The following MBD3L1 variants were observed in gnomAD, a reference collection of about 807,000 sequenced individuals.
MBD3L1 encodes the protein methyl-CpG-binding domain protein 3-like 1.
For missense variants in MBD3L1, 203 were observed against 230.1 expected (o/e 0.88, Z 0.76); for synonymous variants, 84 against 85.1 (o/e 0.99, Z 0.07).
intron 1 of MBD3L1, among the ~76,000 whole-genome samples, chr19:8,838,402 T>C (rs2044477710): frequency 6.6e-6 from 1 of 151,342 alleles, no homozygotes; most frequent in Non-Finnish European, 1.5e-5. Context: ...ACAAACTGCA[T>C]ATTGCCTAAC....
chr19:8,842,526 C>T (rs1209595495), intron 2 of MBD3L1, 132 bp from the exon 3 acceptor site: 1 of 632,858 alleles, frequency 1.6e-6, no homozygotes. Context: ...CTGATGATGT[C>T]CCAGGAAGCA....
chr19:8,833,630 T>A (rs1021271670), intron 1 of MBD3L1: 2 of 152,196 alleles, frequency 1.3e-5, no homozygotes, highest in African/African-American at 2.4e-5. Flanking sequence ...TAGTTGTGAG[T>A]TGGGCAGGAG....
chr19:8,842,726 C>T lies in MBD3L1; in HGVS notation c.48C>T (p.Cys16=). Residue 16 remains cysteine (C), a synonymous_variant, in exon 3 of 3, where the codon TGC becomes TGT. Transcript: ENST00000595891. ...QRKQRDCVNQ[C]KSKPGLSTSI... is the part of the protein sequence containing the mutation. ...AGCAACGTGACTGTGTAAACCAATG[C>T]AAATCAAAGCCTGGCTTGAGCACCT... is the stretch of plus-strand genomic sequence containing the variant. 1 of 1,614,206 alleles carries T rather than the reference C, an allele frequency of 6.2e-7. No individual in the cohort carries two copies. Among genetic ancestry groups the T allele is most frequent in the Non-Finnish European group, 8.5e-7 (1 of 1,180,040 alleles).
intron 1 of MBD3L1, among the ~76,000 whole-genome samples, chr19:8,839,639 G>A (rs538279525): frequency 6.6e-6 from 1 of 152,232 alleles, no homozygotes; most frequent in Admixed American, 6.5e-5. Context: ...ACAACAAAGG[G>A]GTCATTGTGG....
chr19:8,838,273 A>AAAAAAAAAAAG (rs2044475800), intron 1 of MBD3L1, among the ~76,000 whole-genome samples: 1 of 145,356 alleles, frequency 6.9e-6, no homozygotes, highest in Non-Finnish European at 1.5e-5. Flanking sequence ...AAAAAAAAAA[A>AAAAAAAAAAAG]AAAAAAAAAA....
chr19:8,838,514 A>C (rs757651846), intron 1 of MBD3L1, among the ~76,000 whole-genome samples: 1 of 152,126 alleles, frequency 6.6e-6, no homozygotes, highest in Non-Finnish European at 1.5e-5. Flanking sequence ...GTCTGGTGAT[A>C]ACTCCTAGAT....
chr19:8,840,455 C>T (rs1209608594), intron 1 of MBD3L1, among the ~76,000 whole-genome samples: 2 of 152,134 alleles, frequency 1.3e-5, no homozygotes, highest in African/African-American at 4.8e-5. Flanking sequence ...AGACATGTAT[C>T]ATCACCCCCA....
rs1235056863 is a variant in MBD3L1 at position 8,843,155 on chromosome 19, G to C, written c.477G>C (p.Gly159=). 3.1e-6 allele frequency: 5 copies of C among 1,613,702 alleles called. No homozygotes were observed. Among genetic ancestry groups the C allele is most frequent in the African/African-American group, 1.3e-5 (1 of 74,902 alleles). ...VTEEDIRKQE[G]KVKTVRERLA... is the part of the protein sequence containing the mutation. ...AGGAAGATATCAGGAAACAGGAAGG[G>C]AAAGTGAAGACAGTCAGAGAGAGAC... is the stretch of plus-strand genomic sequence containing the variant. Residue 159 remains glycine, a synonymous_variant, in exon 3 of 3, where the codon GGG becomes GGC. Transcript: ENST00000595891.
intron 1 of MBD3L1, among the ~76,000 whole-genome samples, chr19:8,837,797 T>G (rs2044469873): frequency 6.6e-6 from 1 of 152,178 alleles, no homozygotes; most frequent in African/African-American, 2.4e-5. Context: ...AGATGACGCA[T>G]AAAATAATTG....
intron 1 of MBD3L1, among the ~76,000 whole-genome samples, chr19:8,834,191 G>C (rs1406836279): frequency 6.6e-6 from 1 of 152,186 alleles, no homozygotes; most frequent in Non-Finnish European, 1.5e-5. Context: ...TCCATTTTCA[G>C]GTGGCTGAAG....
At chr19:8,834,939 T>C (rs1022418063) in intron 1 of MBD3L1, among the ~76,000 whole-genome samples, 4 of 152,128 alleles carry the variant, frequency 2.6e-5, no homozygotes, top group Non-Finnish European at 5.9e-5. Flanking sequence ...AAACATGGAC[T>C]GGGTGAAGAC....
intron 1 of MBD3L1, among the ~76,000 whole-genome samples, chr19:8,835,494 A>G (rs1043927203): frequency 1.3e-5 from 2 of 152,236 alleles, no homozygotes; most frequent in Non-Finnish European, 2.9e-5. Flanking sequence ...CTTCACACCC[A>G]TTGGGATAAT....
intron 1 of MBD3L1, among the ~76,000 whole-genome samples, chr19:8,832,845 T>C (rs112537142): frequency 9.5e-4 from 139 of 146,156 alleles, no homozygotes; most frequent in African/African-American, 3.4e-3. Context: ...GCCCTGGAGG[T>C]TGGGGCTGGC....
Position 8,843,272 on chromosome 19 carries a change from G to A in MBD3L1, c.*9G>A, listed in dbSNP as rs762850554. 11 of 1,543,788 alleles carry A rather than the reference G, an allele frequency of 7.1e-6. No homozygotes were observed. The highest frequency in any genetic ancestry group is 4.1e-5 in the African/African-American group (3 of 73,026). On this transcript the variant is annotated 3_prime_UTR_variant, in exon 3 of 3. Transcript: ENST00000595891. ...GTCCTGAAAAACGCTAAGAAAAAAA[G>A]GGAAGATAGTGCAGATGAAATAAAG...
At chr19:8,833,833 C>G (rs1406882876) in intron 1 of MBD3L1, among the ~76,000 whole-genome samples, 1 of 151,962 alleles carries the variant, frequency 6.6e-6, no homozygotes, top group Admixed American at 6.6e-5. Flanking sequence ...ACTAAAAATA[C>G]AAAATTAGCC....
In MBD3L1 at chr19:8,843,049, G is replaced by A. The variant is rs1160021459; in HGVS notation, c.371G>A (p.Cys124Tyr). 1 of 1,614,112 alleles carries A rather than the reference G, an allele frequency of 6.2e-7. No homozygotes were observed. ...TCCTGCCCCATGCCCCACCTTGCCT[G>A]CTCTTCAGATGCGGTGGAGATAATT... ...EHSCPMPHLA[C>Y]SSDAVEIIPA... Residue 124 changes from cysteine (C) to tyrosine (Y), a missense_variant, in exon 3 of 3, where the codon TGC (cysteine) becomes TAC (tyrosine). Coordinates refer to ENST00000595891, the MANE Select transcript of MBD3L1 (RefSeq NM_001393532.1).
rs765166335 is a variant in MBD3L1 at position 8,843,193 on chromosome 19, T to G, written c.515T>G (p.Leu172Arg). The change falls in exon 3 of 3, where the codon CTG (leucine) becomes CGG (arginine). Residue 172 changes from leucine to arginine, a missense_variant. Coordinates refer to ENST00000595891, the MANE Select transcript of MBD3L1 (RefSeq NM_001393532.1). Reference sequence around the variant, plus strand: ...GTCAGAGAGAGACTCGCAATAGCACTGATTGCGGATGGACTCGCTAATGAG... The same window carrying G: ...GTCAGAGAGAGACTCGCAATAGCACGGATTGCGGATGGACTCGCTAATGAG... The part of the protein sequence containing the change: ...KTVRERLAIA[L>R]IADGLANEAE... 2.7e-5 allele frequency: 44 copies of G among 1,612,338 alleles called. No individual in the cohort carries two copies. The highest frequency in any genetic ancestry group is 3.7e-5 in the Non-Finnish European group (44 of 1,179,264).
At chr19:8,840,866 A>G (rs2044505162) in intron 1 of MBD3L1, 49 bp from the exon 2 acceptor site, 1 of 152,162 alleles carries the variant, frequency 6.6e-6, no homozygotes, top group Non-Finnish European at 1.5e-5. Context: ...AATATTTTGT[A>G]TTTATAGTGG....
chr19:8,842,500 C>A, intron 2 of MBD3L1, 158 bp from the exon 3 acceptor site: 1 of 583,032 alleles, frequency 1.7e-6, no homozygotes, highest in South Asian at 2.3e-5. Flanking sequence ...ACTTTCTGTG[C>A]TTGACTCAAA....
Sources: gnomAD v4.1 joint callset for allele counts (sites outside exome capture counted in the v4.1 genomes callset) on GRCh38, gnomAD v4.1.1 for gene constraint, MANE v1.5 for transcripts, NCBI Gene and HGNC (gene_info 2026-07-23, HGNC 2026-07-21) for gene names.